RUFY3: variants seen among roughly 807,000 people sequenced by gnomAD.
RUFY3 encodes RUN and FYVE domain containing 3, also known as protein RUFY3.
Under a neutral mutation model 84.0 loss-of-function variants are expected in RUFY3, and 34 were observed. That is an observed-to-expected ratio of 0.40 (90% CI 0.31 to 0.54). The LOEUF is 0.54. Among genes scored for constraint, RUFY3 ranks in the 20% least tolerant of loss-of-function variants. RUFY3 has a pLI of 0.39. For missense variants in RUFY3, 507 were observed against 736.8 expected, an observed-to-expected ratio of 0.69 and a Z score of 3.61; for synonymous variants, 242 against 252.9, an observed-to-expected ratio of 0.96 and a Z score of 0.41.
rs551658908 is a variant in RUFY3, at chr4:70,803,149, A to G, written c.1650+166A>G. 7 of 519,092 alleles carry G rather than the reference A, an allele frequency of 1.3e-5. No homozygotes were observed. In the South Asian group the frequency reaches 2.3e-4, roughly 17 times the overall value. The allele number at this position is 519,092 out of a possible 1,614,324, so 32.2% of individuals were successfully genotyped here. A position where few individuals can be genotyped will look rare whatever the true frequency, so the allele number is the denominator to read the frequency against. On this transcript the variant is annotated intron_variant, in intron 16 of 17. Coordinates refer to ENST00000381006, the MANE Select transcript of RUFY3 (RefSeq NM_001037442.4). ...TGTATTGCCTGAAGCTCACACAGGA[A>G]GTAGCACAGCTTTGAGCAGTTTACT...
intron 9 of RUFY3, 61 bp downstream of exon 9, chr4:70,783,244 G>T: frequency 9.4e-7 from 1 of 1,061,892 alleles, no homozygotes; most frequent in East Asian, 2.4e-5. Flanking sequence ...TAGTGGTAAA[G>T]GGGAGTCTCT....
chr4:70,737,310 C>T (rs1720475224), intron 1 of RUFY3, among the ~76,000 whole-genome samples: 1 of 151,998 alleles, frequency 6.6e-6, no homozygotes, highest in African/African-American at 2.4e-5. Flanking sequence ...CAATGAGAAA[C>T]TGCATGTTTT....
rs748964324 is a variant in RUFY3, at chr4:70,794,906, T to A, written c.1557+12T>A. On this transcript the variant is annotated intron_variant, in intron 14 of 17. Transcript: ENST00000381006. ...CAGAATCCAAGATGGTAATATTTGC[T>A]ATTCCCTTGTTCTTTTACTTAATTT... The A allele has an allele frequency of 3.3e-6, 5 of 1,510,438 alleles. No individual in the cohort carries two copies. The highest frequency in any genetic ancestry group is 2.3e-5 in the East Asian group (1 of 44,330). The allele number at this position is 1,510,438 out of a possible 1,614,324, so 93.6% of individuals were successfully genotyped here. A position where few individuals can be genotyped will look rare whatever the true frequency, so the allele number is the denominator to read the frequency against.
chr4:70,745,457 C>T (rs1722047069), intron 1 of RUFY3, among the ~76,000 whole-genome samples: 1 of 152,124 alleles, frequency 6.6e-6, no homozygotes. Context: ...ATGAAAGGCA[C>T]ATAGCTTATT....
chr4:70,758,809 G>A (rs967686803), intron 1 of RUFY3, among the ~76,000 whole-genome samples: 1 of 152,056 alleles, frequency 6.6e-6, no homozygotes, highest in Non-Finnish European at 1.5e-5. Flanking sequence ...GGAGGCCGAG[G>A]CAGGTAGATC....
At chr4:70,791,843 T>C in intron 12 of RUFY3, 9 of 985,770 alleles carry the variant, frequency 9.1e-6, no homozygotes, top group Non-Finnish European at 1.1e-5. Flanking sequence ...TAGTACTTAG[T>C]ATTTCACTAC....
At chr4:70,794,727 C>T (rs1048816310) in intron 13 of RUFY3, 68 bp from the exon 14 acceptor site, 4 of 980,658 alleles carry the variant, frequency 4.1e-6, no homozygotes, top group Non-Finnish European at 3.2e-6. Flanking sequence ...AAGGGGTTGG[C>T]ATTCTTTAGA....
intron 5 of RUFY3, among the ~76,000 whole-genome samples, chr4:70,771,237 G>A (rs1164820964): frequency 1.3e-5 from 2 of 152,164 alleles, no homozygotes; most frequent in East Asian, 3.9e-4. Flanking sequence ...CATGACGCAG[G>A]GTTGCCACAA....
intron 4 of RUFY3, among the ~76,000 whole-genome samples, chr4:70,766,549 C>G (rs1052362191): frequency 6.6e-6 from 1 of 152,052 alleles, no homozygotes; most frequent in South Asian, 2.1e-4. Flanking sequence ...CCGCCTGTTT[C>G]CATTTTTTTA....
chr4:70,739,677 TAAAC>T (rs1220894227), intron 1 of RUFY3, among the ~76,000 whole-genome samples: 1 of 152,030 alleles, frequency 6.6e-6, no homozygotes, highest in Non-Finnish European at 1.5e-5. Context: ...CATGGATACA[TAAAC>T]AAAGGCGAAG....
chr4:70,742,888 C>G (rs1037985366), intron 1 of RUFY3, among the ~76,000 whole-genome samples: 1 of 152,186 alleles, frequency 6.6e-6, no homozygotes, highest in South Asian at 2.1e-4. Context: ...TTTGGTCAAA[C>G]TATTTTTATG....
chr4:70,730,721 C>T (rs556003324), intron 1 of RUFY3, among the ~76,000 whole-genome samples: 4 of 151,710 alleles, frequency 2.6e-5, no homozygotes, highest in Non-Finnish European at 4.4e-5. Context: ...CCAGCCTGGG[C>T]GACAAGAGTG....
chr4:70,800,574 C>T (rs1732093791), intron 15 of RUFY3, among the ~76,000 whole-genome samples: 2 of 152,202 alleles, frequency 1.3e-5, no homozygotes, highest in Non-Finnish European at 2.9e-5. Flanking sequence ...TGACTTGTTT[C>T]TACCTCTGTG....
intron 1 of RUFY3, among the ~76,000 whole-genome samples, chr4:70,727,324 C>G (rs190958868): frequency 1.3e-4 from 19 of 143,334 alleles, no homozygotes; most frequent in Admixed American, 1.2e-3. Context: ...AAACAAGTTA[C>G]ATATAATTCT....
chr4:70,775,492 CTA>C (rs1317109446), intron 7 of RUFY3, among the ~76,000 whole-genome samples: 3 of 151,414 alleles, frequency 2.0e-5, no homozygotes, highest in Non-Finnish European at 2.9e-5. Flanking sequence ...AATTATAACT[CTA>C]GTGATTAAAT....
At chr4:70,711,029 A>T (rs530684215) in intron 1 of RUFY3, among the ~76,000 whole-genome samples, 1 of 138,608 alleles carries the variant, frequency 7.2e-6, no homozygotes, top group South Asian at 2.3e-4. Flanking sequence ...CCGCCACTAC[A>T]CTCCAGCCTG....
chr4:70,758,265 A>G (rs1451575414), intron 1 of RUFY3, among the ~76,000 whole-genome samples: 1 of 152,212 alleles, frequency 6.6e-6, no homozygotes, highest in Non-Finnish European at 1.5e-5. Flanking sequence ...AGTATTTAAG[A>G]CAAGTAATGT....
chr4:70,756,302 C>T (rs1724014358), intron 1 of RUFY3, among the ~76,000 whole-genome samples: 1 of 152,172 alleles, frequency 6.6e-6, no homozygotes, highest in African/African-American at 2.4e-5. Flanking sequence ...TGCCCCTCAG[C>T]TTTGAGTTCA....
chr4:70,777,447 C>T (rs993518669), intron 7 of RUFY3, among the ~76,000 whole-genome samples: 18 of 152,064 alleles, frequency 1.2e-4, no homozygotes, highest in African/African-American at 3.9e-4. Context: ...GAAAAATAGA[C>T]ATTTTTAATT....
Sources: gnomAD v4.1 joint callset for allele counts (sites outside exome capture counted in the v4.1 genomes callset) on GRCh38, gnomAD v4.1.1 for gene constraint, MANE v1.5 for transcripts, NCBI Gene and HGNC (gene_info 2026-07-23, HGNC 2026-07-21) for gene names.